COL1A2: variants seen among roughly 807,000 people sequenced by gnomAD.
COL1A2 encodes collagen alpha-2(I) chain.
Under a neutral mutation model 174.3 loss-of-function variants are expected in COL1A2, and 49 were observed. That is an observed-to-expected ratio of 0.28 (90% CI 0.22 to 0.36). The LOEUF (loss-of-function observed/expected upper bound fraction) is 0.36. Ranked by LOEUF, COL1A2 falls within the 10% of genes least tolerant of loss-of-function variation. The probability of loss-of-function intolerance (pLI) is 1.00; values close to 1 mark genes in which losing one functional copy is unlikely to be tolerated. For missense variants in COL1A2, 1,438 were observed against 1,822.7 expected, an observed-to-expected ratio of 0.79 and a Z score of 3.84; for synonymous variants, 655 against 606.6, an observed-to-expected ratio of 1.08 and a Z score of -1.17.
At chr7:94,415,185 TCA>T (rs1297535177) in intron 29 of COL1A2, 39 bp from the exon 30 acceptor site, 3 of 1,582,248 alleles carry the variant, frequency 1.9e-6, no homozygotes, top group East Asian at 2.2e-5. Flanking sequence ...AATTTAGAGA[TCA>T]CACACAGATT....
At position 94,414,227 on chromosome 7, in the gene COL1A2, G is replaced by C; in HGVS notation, c.1671G>C (p.Leu557=). The part of the protein sequence containing the change: ...GPPGPPGFQG[L]PGPSGPAGEV... ...GTATTTCTTTTCATTTTTAGGGTCT[G>C]CCTGGCCCCTCAGGTCCCGCTGGTG... is the stretch of plus-strand genomic sequence containing the variant. The change falls in exon 29 of 52, where the codon CTG becomes CTC. Residue 557 remains leucine, a synonymous_variant. Coordinates refer to ENST00000297268, the MANE Select transcript of COL1A2 (RefSeq NM_000089.4). The C allele has an allele frequency of 6.2e-7, 1 of 1,613,726 alleles. No homozygotes were observed. The highest frequency in any genetic ancestry group is 1.1e-5 in the South Asian group (1 of 91,048).
In COL1A2 at chr7:94,420,250, T is replaced by G. The variant is rs747121857; in HGVS notation, c.2097T>G (p.Ala699=). ...CATTATAGGGCGAAGCTGGGGCTGCTGGTCCTGCTGGTCCTGCTGGTCCTC... is the reference window on the plus strand; with the variant it reads ...CATTATAGGGCGAAGCTGGGGCTGCGGGTCCTGCTGGTCCTGCTGGTCCTC... ...ATGDRGEAGA[A]GPAGPAGPRG... The change falls in exon 35 of 52, where the codon GCT becomes GCG. Residue 699 remains alanine, a synonymous_variant. Transcript: ENST00000297268. The G allele has an allele frequency of 6.2e-7, 1 of 1,613,642 alleles. No individual in the cohort carries two copies. Among genetic ancestry groups the G allele is most frequent in the Non-Finnish European group, 8.5e-7 (1 of 1,180,018 alleles).
Position 94,420,415 on chromosome 7 carries a change from G to A in COL1A2, c.2158G>A (p.Ala720Thr). The change falls in exon 36 of 52, where the codon GCT (alanine) becomes ACT (threonine). Residue 720 changes from alanine to threonine, a missense_variant. Coordinates refer to ENST00000297268, the MANE Select transcript of COL1A2 (RefSeq NM_000089.4). ...SPGERGEVGP[A>T]GPNGFAGPAG... The stretch of plus-strand genomic sequence containing the variant: ...GGGTGAACGTGGTGAGGTCGGTCCT[G>A]CTGGCCCCAATGGATTTGCTGGTCC... 1 of 1,614,206 alleles carries A rather than the reference G, an allele frequency of 6.2e-7. No individual in the cohort carries two copies. Among genetic ancestry groups the A allele is most frequent in the Non-Finnish European group, 8.5e-7 (1 of 1,180,030 alleles).
intron 38 of COL1A2, 24 bp downstream of exon 38, chr7:94,421,086 G>T (rs762824227): frequency 6.2e-7 from 1 of 1,613,140 alleles, no homozygotes. Context: ...ATGGACTCTC[G>T]CCGCTTTTCT....
At chr7:94,425,453 A>G in intron 42 of COL1A2, 157 bp from the exon 43 acceptor site, 1 of 886,550 alleles carries the variant, frequency 1.1e-6, no homozygotes, top group Non-Finnish European at 1.8e-6. Context: ...TCTCTAAAAA[A>G]TATCTAGGTT....
At chr7:94,412,537 T>C (rs756697373) in intron 24 of COL1A2, 47 bp from the exon 25 acceptor site, 195 of 1,453,080 alleles carry the variant, frequency 1.3e-4, no homozygotes, top group Non-Finnish European at 1.8e-4. Context: ...CTTGAGGTTG[T>C]GAGAATATGT....
intron 9 of COL1A2, 79 bp downstream of exon 9, chr7:94,404,971 A>C (rs537569517): frequency 6.5e-7 from 1 of 1,529,978 alleles, no homozygotes; most frequent in Non-Finnish European, 9.0e-7. Flanking sequence ...ATTCAAATTA[A>C]GTATTCTGCC....
At chr7:94,426,196 CT>C in intron 45 of COL1A2, 145 bp downstream of exon 45, 1 of 885,142 alleles carries the variant, frequency 1.1e-6, no homozygotes, top group Non-Finnish European at 1.8e-6. Context: ...ATACAAATAA[CT>C]TGAGCTATTT....
intron 6 of COL1A2, among the ~76,000 whole-genome samples, chr7:94,403,503 C>T (rs1172945940): frequency 6.6e-6 from 1 of 152,042 alleles, no homozygotes; most frequent in African/African-American, 2.4e-5. Context: ...ATTAGAAATT[C>T]ATGATGTCAA....
At chr7:94,425,446 C>G in intron 42 of COL1A2, 164 bp from the exon 43 acceptor site, 1 of 873,802 alleles carries the variant, frequency 1.1e-6, no homozygotes, top group Non-Finnish European at 1.8e-6. Flanking sequence ...TAAAACATCT[C>G]TAAAAAATAT....
At chr7:94,419,360 C>T in intron 33 of COL1A2, 138 bp from the exon 34 acceptor site, 4 of 952,956 alleles carry the variant, frequency 4.2e-6, no homozygotes, top group Non-Finnish European at 6.7e-6. Context: ...CAAAATACAT[C>T]AGAGGCCTTC....
rs954174886 is a variant in COL1A2, at chr7:94,427,796, T to A, written c.3437T>A (p.Ile1146Asn). The change falls in exon 49 of 52, where the codon ATT (isoleucine) becomes AAT (asparagine). Residue 1146 changes from isoleucine (I) to asparagine (N), a missense_variant. Ile to Asn is a moderately radical substitution (Grantham distance 149, BLOSUM62 -3). Coordinates refer to ENST00000297268, the MANE Select transcript of COL1A2 (RefSeq NM_000089.4). ...ACTCTGAAGTCTCTCAACAACCAGA[T>A]TGAGACCCTTCTTACTCCTGAAGGC... is the stretch of plus-strand genomic sequence containing the variant. The part of the protein sequence containing the change: ...DATLKSLNNQ[I>N]ETLLTPEGSR... 6.2e-7 allele frequency: 1 copy of A among 1,614,146 alleles called. No homozygotes were observed. The highest frequency in any genetic ancestry group is 8.5e-7 in the Non-Finnish European group (1 of 1,180,020).
chr7:94,405,132 A>G (rs1396288660), intron 9 of COL1A2, 67 bp from the exon 10 acceptor site: 1 of 1,542,964 alleles, frequency 6.5e-7, no homozygotes, highest in African/African-American at 1.4e-5. Context: ...TGTAAAAACC[A>G]AGATTCCCCC....
rs1419722071 is a variant in COL1A2 at position 94,410,320 on chromosome 7, T to C, written c.1089+25T>C. On this transcript the variant is annotated intron_variant, in intron 20 of 51. Transcript: ENST00000297268. ...CGTAAGTAGCTCTATCATCACACTTTTATAAAGTTAATTGTTTTTCTCATT... is the reference window on the plus strand; with the variant it reads ...CGTAAGTAGCTCTATCATCACACTTCTATAAAGTTAATTGTTTTTCTCATT... 8 of 1,613,424 alleles carry C rather than the reference T, an allele frequency of 5.0e-6. No homozygotes were observed. The Admixed American group carries it at 1.3e-4, about 27-fold the overall frequency.
At position 94,400,232 on chromosome 7, in the gene COL1A2, G is replaced by C. The variant is rs201137000; in HGVS notation, c.169G>C (p.Gly57Arg). 1 of 1,612,786 alleles carries C rather than the reference G, an allele frequency of 6.2e-7. No homozygotes were observed. Among genetic ancestry groups the C allele is most frequent in the Non-Finnish European group, 8.5e-7 (1 of 1,179,912 alleles). ...PGPPGRDGEDGPTGPPGPPGP... is the reference protein window; with the variant it reads ...PGPPGRDGEDRPTGPPGPPGP... Reference sequence around the variant, plus strand: ...CCCCCCAGGCAGAGATGGTGAAGATGGTCCCACAGGCCCTCCTGGTCCACC... The same window carrying C: ...CCCCCCAGGCAGAGATGGTGAAGATCGTCCCACAGGCCCTCCTGGTCCACC... Residue 57 changes from glycine (G) to arginine (R), a missense_variant, in exon 5 of 52, where the codon GGT becomes CGT. Around this residue, in one of 3 missense-constraint regions of COL1A2, gnomAD observed 281 missense variants for 310.9 expected, o/e 0.90. Coordinates refer to ENST00000297268, the MANE Select transcript of COL1A2 (RefSeq NM_000089.4).
intron 1 of COL1A2, among the ~76,000 whole-genome samples, chr7:94,397,080 A>G (rs1018497070): frequency 3.9e-5 from 6 of 152,198 alleles, no homozygotes; most frequent in Admixed American, 1.3e-4. Flanking sequence ...AAAATGATAC[A>G]TATTGGTAAA....
chr7:94,394,940 C>A lies in COL1A2; in HGVS notation c.-92C>A. 1 of 1,041,646 alleles carries A rather than the reference C, an allele frequency of 9.6e-7. No homozygotes were observed. The highest frequency in any genetic ancestry group is 1.5e-6 in the Non-Finnish European group (1 of 660,192). The allele number at this position is 1,041,646 out of a possible 1,614,324, so 64.5% of individuals were successfully genotyped here. On this transcript the variant is annotated 5_prime_UTR_variant, in exon 1 of 52. Coordinates refer to ENST00000297268, the MANE Select transcript of COL1A2 (RefSeq NM_000089.4). ...TTTCGGCTAAGTTGGAGGTACTGGC[C>A]ACGACTGCATGCCCGCGCCCGCCAG...
Position 94,408,206 on chromosome 7 carries a change from G to A in COL1A2, c.663G>A (p.Glu221=). Residue 221 remains glutamate (E), a synonymous_variant, in exon 14 of 52, where the codon GAG becomes GAA. Transcript: ENST00000297268. ...AGGGAGCCCGTGGGCTTCCTGGTGA[G>A]AGAGGACGTGTTGGTGCCCCTGGCC... The part of the protein sequence containing the change: ...GQTGARGLPG[E]RGRVGAPGPA... 1 of 1,614,162 alleles carries A rather than the reference G, an allele frequency of 6.2e-7. No individual in the cohort carries two copies. Among genetic ancestry groups the A allele is most frequent in the Non-Finnish European group, 8.5e-7 (1 of 1,180,018 alleles).
intron 24 of COL1A2, 143 bp downstream of exon 24, chr7:94,412,264 T>A (rs1562902128): frequency 1.2e-6 from 1 of 809,734 alleles, no homozygotes; most frequent in Non-Finnish European, 2.1e-6. Context: ...AGTAATAGAT[T>A]GTAATTATGG....
Sources: allele counts gnomAD v4.1 joint callset (sites outside exome capture counted in the v4.1 genomes callset), GRCh38; gene constraint gnomAD v4.1.1; regional missense constraint gnomAD v4.1.1; transcripts MANE v1.5; gene names NCBI Gene and HGNC (gene_info 2026-07-23, HGNC 2026-07-21).